The following PCSK6 variants were observed in gnomAD, a reference collection of about 807,000 sequenced individuals.
PCSK6 encodes the protein proprotein convertase subtilisin/kexin type 6.
In PCSK6, 85 loss-of-function variants were observed where a neutral mutation model predicts 123.3. That is an observed-to-expected ratio of 0.69 (90% confidence interval 0.58 to 0.83). The LOEUF (loss-of-function observed/expected upper bound fraction) is 0.83, where lower values mean the gene tolerates loss of function less well. Ranked by LOEUF, PCSK6 falls within the 40% of genes least tolerant of loss-of-function variation. The probability of loss-of-function intolerance (pLI) is 0.00; values close to 1 mark genes in which losing one functional copy is unlikely to be tolerated. For missense variants in PCSK6, 1,191 were observed against 1,282.3 expected (o/e 0.93, Z 1.09); for synonymous variants, 508 against 516.0 (o/e 0.98, Z 0.21).
intron 12 of PCSK6, among the ~76,000 whole-genome samples, chr15:101,367,328 T>C (rs1249737504): frequency 1.3e-5 from 2 of 152,228 alleles, no homozygotes; most frequent in African/African-American, 4.8e-5. Flanking sequence ...TCTATCTCGA[T>C]TTTGGAATAA....
chr15:101,393,865 TG>T (rs1265673698), intron 7 of PCSK6, among the ~76,000 whole-genome samples: 2 of 152,164 alleles, frequency 1.3e-5, no homozygotes, highest in African/African-American at 4.8e-5. Flanking sequence ...GCTGGTCTGG[TG>T]GGGAAAAGAA....
intron 6 of PCSK6, among the ~76,000 whole-genome samples, chr15:101,413,822 A>G (rs4965851): frequency 0.31 from 47,587 of 151,912 alleles, 8,063 homozygotes; most frequent in African/African-American, 0.45. Flanking sequence ...GTGAAATGTC[A>G]TTTATCAATA....
chr15:101,331,533 GT>G, intron 15 of PCSK6, 117 bp downstream of exon 15: 3 of 850,250 alleles, frequency 3.5e-6, no homozygotes, highest in Non-Finnish European at 5.9e-6. Context: ...TGGAAAGGGG[GT>G]GCTCCTAGAA....
chr15:101,414,943 GAGA>G (rs1401183490), intron 6 of PCSK6, among the ~76,000 whole-genome samples: 3 of 152,164 alleles, frequency 2.0e-5, no homozygotes, highest in Admixed American at 6.5e-5. Context: ...AAGAATATAT[GAGA>G]AGAAGGATGA....
At chr15:101,338,514 G>A (rs946001231) in intron 13 of PCSK6, among the ~76,000 whole-genome samples, 3 of 152,076 alleles carry the variant, frequency 2.0e-5, no homozygotes, top group East Asian at 1.9e-4. Context: ...ATGTGTCCAG[G>A]GACAACCCAG....
rs866180489 is a variant in PCSK6, at chr15:101,482,067, T to C, written c.297+7307A>G. On this transcript the variant is annotated intron_variant, in intron 1 of 21. Transcript: ENST00000611716. ...GGCTGGTGGGGTCTCCGGAGGTTGC[T>C]ATGCCTCTTGTCTGTTCATTCTGGC... 5.3e-5 allele frequency among the ~76,000 whole-genome samples: 8 copies of C among 152,364 alleles called. No individual in the cohort carries two copies. In the South Asian group the frequency reaches 1.7e-3, roughly 32 times the overall value.
chr15:101,349,695 TCATCAGTC>T (rs2040841425), intron 13 of PCSK6, among the ~76,000 whole-genome samples: 1 of 151,746 alleles, frequency 6.6e-6, no homozygotes, highest in Non-Finnish European at 1.5e-5. Flanking sequence ...GATGAGGGAG[TCATCAGTC>T]CCAGGTCTCC....
At chr15:101,445,451 C>T (rs2056864060) in intron 1 of PCSK6, among the ~76,000 whole-genome samples, 1 of 152,184 alleles carries the variant, frequency 6.6e-6, no homozygotes, top group African/African-American at 2.4e-5. Flanking sequence ...CGGTTTTCCG[C>T]AATTCTGATT....
At chr15:101,353,057 G>A (rs1189717258) in intron 13 of PCSK6, among the ~76,000 whole-genome samples, 1 of 152,198 alleles carries the variant, frequency 6.6e-6, no homozygotes, top group Non-Finnish European at 1.5e-5. Context: ...GGTGATTCAA[G>A]CACATGACAA....
chr15:101,366,979 A>G (rs1385904326), intron 12 of PCSK6, among the ~76,000 whole-genome samples: 1 of 152,172 alleles, frequency 6.6e-6, no homozygotes, highest in African/African-American at 2.4e-5. Flanking sequence ...CAACAGGGGC[A>G]TTTGAGGGAG....
intron 7 of PCSK6, among the ~76,000 whole-genome samples, chr15:101,397,710 T>C (rs1198826539): frequency 6.6e-6 from 1 of 152,228 alleles, no homozygotes; most frequent in East Asian, 1.9e-4. Context: ...CCACCCTGTT[T>C]GTAAGAACTG....
In PCSK6 at chr15:101,305,553, T is replaced by C. The variant is rs1567132315; in HGVS notation, c.2813-198A>G. 4 of 496,308 alleles carry C rather than the reference T, an allele frequency of 8.1e-6. No individual in the cohort carries two copies. The highest frequency in any genetic ancestry group is 1.5e-5 in the Non-Finnish European group (4 of 272,622). 30.7% of individuals were successfully genotyped at this position (496,308 alleles called of 1,614,324 possible). A position where few individuals can be genotyped will look rare whatever the true frequency, so the allele number is the denominator to read the frequency against. On this transcript the variant is annotated intron_variant, in intron 21 of 21. Transcript: ENST00000611716. The surrounding 1 kb of genome is among the most constrained non-coding windows in gnomAD (Gnocchi z 4.8). The stretch of plus-strand genomic sequence containing the variant: ...TGAAACCCCGTCTCTACTAATAATA[T>C]AAAAATTAGCTGGGCATGGTGGTGG...
chr15:101,446,923 G>C (rs2056905778), intron 1 of PCSK6, among the ~76,000 whole-genome samples: 1 of 152,268 alleles, frequency 6.6e-6, no homozygotes, highest in East Asian at 1.9e-4. Context: ...CCTGCCCTCT[G>C]CCCTCCCTTT....
At chr15:101,374,355 G>A (rs1392926914) in intron 11 of PCSK6, among the ~76,000 whole-genome samples, 1 of 152,136 alleles carries the variant, frequency 6.6e-6, no homozygotes, top group Non-Finnish European at 1.5e-5. Flanking sequence ...CGAGTGCCAG[G>A]GGAAGCAGGA....
At position 101,489,369 on chromosome 15, in the gene PCSK6, C is replaced by A; in HGVS notation, c.297+5G>T. On this transcript the variant is annotated splice_donor_5th_base_variant and intron_variant, in intron 1 of 21. Transcript: ENST00000611716. Reference sequence around the variant, plus strand: ...TTTTGGGCGCGCGGGGCCGGCCGCACTCACCTGGCCCAAGTTGAGGTACCC... The same window carrying A: ...TTTTGGGCGCGCGGGGCCGGCCGCAATCACCTGGCCCAAGTTGAGGTACCC... 1 of 1,191,318 alleles carries A rather than the reference C, an allele frequency of 8.4e-7. No individual in the cohort carries two copies. The highest frequency in any genetic ancestry group is 1.0e-6 in the Non-Finnish European group (1 of 955,828). The allele number at this position is 1,191,318 out of a possible 1,614,324, so 73.8% of individuals were successfully genotyped here. A position where few individuals can be genotyped will look rare whatever the true frequency, so the allele number is the denominator to read the frequency against.
At chr15:101,482,580 G>C (rs146636310) in intron 1 of PCSK6, among the ~76,000 whole-genome samples, 117 of 152,236 alleles carry the variant, frequency 7.7e-4, no homozygotes, top group African/African-American at 2.6e-3. Context: ...TGCAGTTGGC[G>C]GACACTGGAG....
rs776423442 is a variant in PCSK6, at chr15:101,389,549, G to A, written c.1225C>T (p.Arg409Cys). 1.9e-5 allele frequency: 31 copies of A among 1,612,588 alleles called. No homozygotes were observed. Among genetic ancestry groups the A allele is most frequent in the South Asian group, 8.8e-5 (8 of 90,968 alleles). Residue 409 changes from arginine to cysteine, a missense_variant, in exon 9 of 22, where the codon CGT (arginine) becomes TGT (cysteine). Physicochemically the swap from Arg to Cys is radical, Grantham distance 180. Transcript: ENST00000611716. ...YERKIVTTDLRQRCTDGHTGT... is the reference protein window; with the variant it reads ...YERKIVTTDLCQRCTDGHTGT... ...GTGTGGCCATCGGTACAGCGCTGAC[G>A]CAGATCCGTGGTGACCTGGGGGAGA... is the stretch of plus-strand genomic sequence containing the variant.
At chr15:101,460,929 C>T (rs2057327138) in intron 1 of PCSK6, among the ~76,000 whole-genome samples, 1 of 151,506 alleles carries the variant, frequency 6.6e-6, no homozygotes, top group Non-Finnish European at 1.5e-5. Flanking sequence ...CTGAGGTGTT[C>T]GTGGTAAGAG....
intron 19 of PCSK6, 154 bp from the exon 20 acceptor site, chr15:101,313,659 C>T (rs548558706): frequency 1.8e-5 from 20 of 1,106,366 alleles, no homozygotes; most frequent in African/African-American, 1.4e-4. Flanking sequence ...TGAGCTGGGC[C>T]GTCCTCACCC....
Sources: allele counts gnomAD v4.1 joint callset (sites outside exome capture counted in the v4.1 genomes callset), GRCh38; gene constraint gnomAD v4.1.1; non-coding constraint Gnocchi (gnomAD v3.1); transcripts MANE v1.5; gene names NCBI Gene and HGNC (gene_info 2026-07-23, HGNC 2026-07-21).